Variants in LTBP2 observed in about 807,000 individuals in gnomAD.
LTBP2 encodes latent-transforming growth factor beta-binding protein 2.
In LTBP2, 103 loss-of-function variants were observed where a neutral mutation model predicts 210.6. That is an observed-to-expected ratio of 0.49 (90% CI 0.42 to 0.58). The LOEUF (loss-of-function observed/expected upper bound fraction) is 0.58. Among genes scored for constraint, LTBP2 ranks in the 20% least tolerant of loss-of-function variants. The pLI is 0.00. For missense variants in LTBP2, 2,313 were observed against 2,494.5 expected (o/e 0.93, Z 1.55); for synonymous variants, 1,007 against 1,015.0 (o/e 0.99, Z 0.15).
chr14:74,528,160 ACCGGCC>A, intron 12 of LTBP2, among the ~76,000 whole-genome samples: 1 of 152,316 alleles, frequency 6.6e-6, no homozygotes, highest in East Asian at 1.9e-4. Flanking sequence ...TGCAGCAAGC[ACCGGCC>A]CCAGAAGCTG....
chr14:74,535,260 G>A (rs1348493665), intron 9 of LTBP2, among the ~76,000 whole-genome samples: 12 of 152,114 alleles, frequency 7.9e-5, no homozygotes, highest in Non-Finnish European at 1.8e-4. Flanking sequence ...CCTCCAGGAG[G>A]AGGGCACCTT....
At chr14:74,508,458 G>T in intron 24 of LTBP2, 146 bp downstream of exon 24, 1 of 1,447,374 alleles carries the variant, frequency 6.9e-7, no homozygotes. Flanking sequence ...CCTGGGCAGG[G>T]CCGTGAGCAC....
Position 74,529,140 on chromosome 14 carries a change from C to T in LTBP2, c.1988-18G>A, listed in dbSNP as rs779132195. ...CTTGTCCGCTGCAACAGACACAGCA[C>T]GTGGAGGTGGGCAGGTGGCCAGTGG... is the stretch of plus-strand genomic sequence containing the variant. On this transcript the variant is annotated intron_variant, in intron 10 of 35. Transcript: ENST00000261978. The T allele has an allele frequency of 7.1e-6, 11 of 1,550,994 alleles. No individual in the cohort carries two copies. The highest frequency in any genetic ancestry group is 7.8e-6 in the Non-Finnish European group (9 of 1,147,042).
At chr14:74,506,540 CT>C (rs2086987503) in intron 27 of LTBP2, among the ~76,000 whole-genome samples, 157 bp downstream of exon 27, 3 of 152,358 alleles carry the variant, frequency 2.0e-5, no homozygotes, top group Admixed American at 1.3e-4. Flanking sequence ...CCATGTGCCC[CT>C]GGGCGAGGAG....
rs57519073 is a variant in LTBP2 at position 74,582,362 on chromosome 14, C to T, written c.830+3492G>A. Among the ~76,000 whole-genome samples the T allele has an allele frequency of 4.2e-4, 63 of 150,314 alleles. No individual in the cohort carries two copies. In the East Asian group the frequency reaches 0.011, roughly 25 times the overall value. On this transcript the variant is annotated intron_variant, in intron 3 of 35. Coordinates refer to ENST00000261978, the MANE Select transcript of LTBP2 (RefSeq NM_000428.3). ...CTGATTTCTTCCCAGAACAGGTCTACACCTGTTCTGTGTACATGCACACAC... is the reference window on the plus strand; with the variant it reads ...CTGATTTCTTCCCAGAACAGGTCTATACCTGTTCTGTGTACATGCACACAC...
chr14:74,608,582 C>A (rs777004856), intron 1 of LTBP2, among the ~76,000 whole-genome samples: 1 of 151,648 alleles, frequency 6.6e-6, no homozygotes, highest in African/African-American at 2.4e-5. Flanking sequence ...TGGTGACGTG[C>A]GCCCATAATC....
chr14:74,558,352 C>T (rs3784028), intron 3 of LTBP2, among the ~76,000 whole-genome samples: 12,712 of 152,082 alleles, frequency 0.084, 680 homozygotes, highest in African/African-American at 0.16. Context: ...CCAAGATCAC[C>T]CCACTGCACT....
intron 33 of LTBP2, 68 bp from the exon 34 acceptor site, chr14:74,503,002 TCTCTGGGAGCATGCAAGGACTGGTACC>T: frequency 6.3e-7 from 1 of 1,587,752 alleles, no homozygotes; most frequent in Non-Finnish European, 8.6e-7. Context: ...GCTGGCTTTG[TCTCTGGGAGCATGCAAGGACTGGTACC>T]CTCTGGGAGA....
chr14:74,580,689 T>A (rs1202427639), intron 3 of LTBP2, among the ~76,000 whole-genome samples: 1 of 152,114 alleles, frequency 6.6e-6, no homozygotes, highest in Non-Finnish European at 1.5e-5. Context: ...AGGGGCCAGG[T>A]GCAGTGGCTC....
At chr14:74,594,715 C>A (rs2088333683) in intron 2 of LTBP2, among the ~76,000 whole-genome samples, 1 of 152,220 alleles carries the variant, frequency 6.6e-6, no homozygotes, top group South Asian at 2.1e-4. Context: ...TTCTCCACAA[C>A]CTTGACTTTT....
intron 3 of LTBP2, among the ~76,000 whole-genome samples, chr14:74,579,960 T>C (rs928484084): frequency 3.9e-5 from 6 of 152,186 alleles, no homozygotes; most frequent in Admixed American, 3.9e-4. Flanking sequence ...ATTTACTCAA[T>C]GCTACAATGG....
In LTBP2 at chr14:74,502,924, A is replaced by C; in HGVS notation, c.4899T>G (p.Ala1633=). 6.2e-7 allele frequency: 1 copy of C among 1,611,962 alleles called. No individual in the cohort carries two copies. The highest frequency in any genetic ancestry group is 8.5e-7 in the Non-Finnish European group (1 of 1,179,936). ...CAATGCGAGCCACGTTGCACAGCTG[A>C]GCATAGACCTCTGTCAGGGAGGAGG... is the stretch of plus-strand genomic sequence containing the variant. ...LCPPRSSEVY[A]QLCNVARIEA... The change falls in exon 34 of 36, where the codon GCT becomes GCG. Residue 1633 remains alanine (A), a synonymous_variant. Coordinates refer to ENST00000261978, the MANE Select transcript of LTBP2 (RefSeq NM_000428.3).
intron 1 of LTBP2, among the ~76,000 whole-genome samples, chr14:74,607,474 C>CA (rs1162042541): frequency 6.6e-6 from 1 of 151,910 alleles, no homozygotes; most frequent in African/African-American, 2.4e-5. Flanking sequence ...TCTGTAATAG[C>CA]AAAAAAATTC....
rs1200672791 is a variant in LTBP2 at position 74,586,932 on chromosome 14, T to C, written c.566-814A>G. ...CAGGCTCTCTCTGGATTCTGCCTCC[T>C]GGGCTGTGGGTCCAGCCGGAGGCAA... On this transcript the variant is annotated intron_variant, in intron 2 of 35. Coordinates refer to ENST00000261978, the MANE Select transcript of LTBP2 (RefSeq NM_000428.3). The surrounding 1 kb of genome is among the most constrained non-coding windows in gnomAD (Gnocchi z 4.6). 1.3e-5 allele frequency among the ~76,000 whole-genome samples: 2 copies of C among 152,192 alleles called. No homozygotes were observed. The highest frequency in any genetic ancestry group is 1.3e-4 in the Admixed American group (2 of 15,286).
chr14:74,560,027 C>T (rs1026423553), intron 3 of LTBP2: 2 of 152,174 alleles, frequency 1.3e-5, no homozygotes, highest in African/African-American at 4.8e-5. Flanking sequence ...GGGACTGTTC[C>T]AGGGAAGTCC....
chr14:74,574,643 T>C (rs1042196719), intron 3 of LTBP2, among the ~76,000 whole-genome samples: 2 of 152,176 alleles, frequency 1.3e-5, no homozygotes, highest in Non-Finnish European at 2.9e-5. Flanking sequence ...CTGTAGGCTC[T>C]GGGAGGACAG....
rs193165794 is a variant in LTBP2 at position 74,588,347 on chromosome 14, G to T, written c.566-2229C>A. On this transcript the variant is annotated intron_variant, in intron 2 of 35. Coordinates refer to ENST00000261978, the MANE Select transcript of LTBP2 (RefSeq NM_000428.3). ...AGTGATTCTCCTGCCTCAGCCTCCC[G>T]AGTAGCTGGGATTACAGGCGCCTGA... 1.5e-4 allele frequency among the ~76,000 whole-genome samples: 23 copies of T among 152,110 alleles called. No individual in the cohort carries two copies. In the East Asian group the frequency reaches 4.1e-3, roughly 27 times the overall value.
intron 3 of LTBP2, among the ~76,000 whole-genome samples, chr14:74,577,653 T>C (rs758297282): frequency 5.9e-5 from 9 of 151,920 alleles, no homozygotes; most frequent in African/African-American, 1.2e-4. Flanking sequence ...GGATTACAGA[T>C]GCCCACCACC....
intron 34 of LTBP2, chr14:74,501,912 T>G: frequency 2.3e-6 from 1 of 435,020 alleles, no homozygotes. Context: ...ACATAGTTTT[T>G]GGGTTTGGGC....
Sources: allele counts gnomAD v4.1 joint callset (sites outside exome capture counted in the v4.1 genomes callset), GRCh38; gene constraint gnomAD v4.1.1; non-coding constraint Gnocchi (gnomAD v3.1); transcripts MANE v1.5; gene names NCBI Gene and HGNC (gene_info 2026-07-23, HGNC 2026-07-21).